PHACTR1: variants seen among roughly 807,000 people sequenced by gnomAD.
The protein encoded by PHACTR1 is RPEL repeat containing 1.
PHACTR1 carries 16 observed loss-of-function variants against 69.2 expected under a neutral mutation model. The observed-to-expected ratio is 0.23, with a 90% CI of 0.16 to 0.35. PHACTR1 has a LOEUF of 0.35. Ranked by LOEUF, PHACTR1 falls within the 10% of genes least tolerant of loss-of-function variation. The probability of loss-of-function intolerance (pLI) is 1.00; values close to 1 mark genes in which losing one functional copy is unlikely to be tolerated. For synonymous variants in PHACTR1, 312 were observed against 284.5 expected (o/e 1.10, Z -0.97); for missense variants, 510 against 734.7 (o/e 0.69, Z 3.54).
chr6:13,108,773 A>G (rs1218587690), intron 5 of PHACTR1, among the ~76,000 whole-genome samples: 2 of 152,030 alleles, frequency 1.3e-5, no homozygotes, highest in African/African-American at 2.4e-5. Context: ...TCCAATAGAT[A>G]GCATATAGTG....
chr6:13,249,431 G>A (rs1774046055), intron 10 of PHACTR1, among the ~76,000 whole-genome samples: 1 of 152,152 alleles, frequency 6.6e-6, no homozygotes, highest in South Asian at 2.1e-4. Context: ...AAAGGTTGGG[G>A]ACAGCTGGTC....
intron 4 of PHACTR1, among the ~76,000 whole-genome samples, chr6:13,016,785 G>A (rs1800240261): frequency 2.0e-5 from 3 of 151,988 alleles, no homozygotes; most frequent in Non-Finnish European, 4.4e-5. Context: ...TTGCTGTTTT[G>A]GTTCAATACT....
chr6:13,261,756 C>T (rs1398698178), intron 10 of PHACTR1, among the ~76,000 whole-genome samples: 1 of 152,188 alleles, frequency 6.6e-6, no homozygotes, highest in Non-Finnish European at 1.5e-5. Context: ...TGTAGGACAC[C>T]TAAACCAAGA....
At chr6:12,824,421 C>A (rs1435043951) in intron 4 of PHACTR1, among the ~76,000 whole-genome samples, 3 of 152,138 alleles carry the variant, frequency 2.0e-5, no homozygotes, top group Admixed American at 1.3e-4. Flanking sequence ...TACCCTGGTC[C>A]GTGGAAAAAT....
intron 4 of PHACTR1, among the ~76,000 whole-genome samples, chr6:12,978,166 C>G (rs1040716739): frequency 3.3e-5 from 5 of 152,136 alleles, no homozygotes; most frequent in African/African-American, 7.2e-5. Context: ...TGGCTAGGCC[C>G]CTGAGTACCA....
chr6:12,753,009 T>A (rs1289045711), intron 4 of PHACTR1, among the ~76,000 whole-genome samples: 2 of 152,210 alleles, frequency 1.3e-5, no homozygotes, highest in Admixed American at 1.3e-4. Flanking sequence ...ATGTTATCAG[T>A]GCAAAAGAAA....
intron 4 of PHACTR1, among the ~76,000 whole-genome samples, chr6:12,896,523 A>C (rs1442585362): frequency 6.6e-6 from 1 of 152,128 alleles, no homozygotes; most frequent in African/African-American, 2.4e-5. Context: ...CCCCAACCCT[A>C]AGGTACAATT....
chr6:12,784,675 C>T (rs1356035621), intron 4 of PHACTR1, among the ~76,000 whole-genome samples: 1 of 151,510 alleles, frequency 6.6e-6, no homozygotes. Context: ...TATATACATA[C>T]ACATCCACAC....
intron 8 of PHACTR1, among the ~76,000 whole-genome samples, chr6:13,219,361 G>A (rs575693402): frequency 6.6e-6 from 1 of 152,288 alleles, no homozygotes; most frequent in Admixed American, 6.5e-5. Context: ...CAGGTAATAA[G>A]CCTGTGAATG....
At position 12,947,935 on chromosome 6, in the gene PHACTR1, A is replaced by G. The variant is rs1381176533; in HGVS notation, c.251-105430A>G. On this transcript the variant is annotated intron_variant, in intron 4 of 14. Transcript: ENST00000332995. ...CTGTTAATAACTATTTGTTGAATGG[A>G]CGAATTAATATATAAATGAATAAGT... 2.6e-5 allele frequency among the ~76,000 whole-genome samples: 4 copies of G among 152,240 alleles called. No homozygotes were observed. The East Asian group carries it at 5.8e-4, about 22-fold the overall frequency.
At chr6:13,147,271 G>A (rs1561899602) in intron 5 of PHACTR1, among the ~76,000 whole-genome samples, 1 of 152,198 alleles carries the variant, frequency 6.6e-6, no homozygotes, top group Non-Finnish European at 1.5e-5. Context: ...GAAGTTCCCT[G>A]TGCAGGTTGG....
intron 4 of PHACTR1, among the ~76,000 whole-genome samples, chr6:12,937,146 G>A (rs1789545548): frequency 6.6e-6 from 1 of 152,086 alleles, no homozygotes; most frequent in Non-Finnish European, 1.5e-5. Context: ...CCGATTTCAG[G>A]TCTTTTTTTC....
At chr6:12,896,629 G>A (rs528422939) in intron 4 of PHACTR1, among the ~76,000 whole-genome samples, 1 of 152,296 alleles carries the variant, frequency 6.6e-6, no homozygotes, top group South Asian at 2.1e-4. Flanking sequence ...GGAGATTCTA[G>A]TTAATAATAA....
chr6:13,272,668 G>C lies in PHACTR1; in HGVS notation c.1392-192G>C. ...CGGGGGTCAGCGGCTGTGACATGAC[G>C]CACGTGCCTCTCCTGGGCTTGAAAT... On this transcript the variant is annotated intron_variant, in intron 10 of 14. Coordinates refer to ENST00000332995, the MANE Select transcript of PHACTR1 (RefSeq NM_030948.6). 2.7e-6 allele frequency: 4 copies of C among 1,487,360 alleles called. No individual in the cohort carries two copies. In the South Asian group the frequency reaches 4.0e-5, roughly 15 times the overall value. 92.1% of individuals were successfully genotyped at this position (1,487,360 alleles called of 1,614,324 possible).
At position 13,038,582 on chromosome 6, in the gene PHACTR1, G is replaced by A. The variant is rs573114135; in HGVS notation, c.251-14783G>A. 3.7e-4 allele frequency among the ~76,000 whole-genome samples: 57 copies of A among 152,058 alleles called. 1 individual carries two copies. In the South Asian group the frequency reaches 0.011, roughly 30 times the overall value. On this transcript the variant is annotated intron_variant, in intron 4 of 14. Coordinates refer to ENST00000332995, the MANE Select transcript of PHACTR1 (RefSeq NM_030948.6). ...TGAAATTCTGCCAGAGACAGAGTGT[G>A]AAATATGGACATGCATGTTAGCACT...
At chr6:13,022,336 C>T (rs1419211465) in intron 4 of PHACTR1, among the ~76,000 whole-genome samples, 1 of 152,202 alleles carries the variant, frequency 6.6e-6, no homozygotes, top group Non-Finnish European at 1.5e-5. Context: ...TACTTCCATT[C>T]TGCTGGAGGT....
chr6:12,849,829 C>A (rs1779658748), intron 4 of PHACTR1, among the ~76,000 whole-genome samples: 1 of 151,934 alleles, frequency 6.6e-6, no homozygotes, highest in Non-Finnish European at 1.5e-5. Flanking sequence ...CAATTCATAC[C>A]CCCAATAATT....
intron 4 of PHACTR1, among the ~76,000 whole-genome samples, chr6:12,763,766 A>T (rs1768297670): frequency 6.6e-6 from 1 of 152,194 alleles, no homozygotes; most frequent in Non-Finnish European, 1.5e-5. Flanking sequence ...ATATCTCACC[A>T]ATTTATTTGC....
chr6:12,721,021 A>G (rs969106709), intron 3 of PHACTR1, among the ~76,000 whole-genome samples: 3 of 152,246 alleles, frequency 2.0e-5, no homozygotes, highest in Non-Finnish European at 4.4e-5. Context: ...TGTCTGCCAC[A>G]TAAGAAATGC....
Sources: gnomAD v4.1 joint callset for allele counts (sites outside exome capture counted in the v4.1 genomes callset) on GRCh38, gnomAD v4.1.1 for gene constraint, MANE v1.5 for transcripts, NCBI Gene and HGNC (gene_info 2026-07-23, HGNC 2026-07-21) for gene names.